RPN2: variants seen among roughly 807,000 people sequenced by gnomAD.
The protein encoded by RPN2 is ribophorin II.
RPN2 carries 29 observed loss-of-function variants against 71.4 expected under a neutral mutation model. The observed-to-expected ratio is 0.41, with a 90% CI of 0.30 to 0.55. The LOEUF (loss-of-function observed/expected upper bound fraction) is 0.55, where lower values mean the gene tolerates loss of function less well. RPN2 is among the 20% of genes least tolerant of loss of function. The pLI, the probability that RPN2 is intolerant of heterozygous loss-of-function variation, is 0.35. For synonymous variants in RPN2, 308 were observed against 305.0 expected, an observed-to-expected ratio of 1.01 and a Z score of -0.10; for missense variants, 726 against 774.1, an observed-to-expected ratio of 0.94 and a Z score of 0.74.
rs1600765268 is a variant in RPN2, at chr20:37,199,149, T to C, written c.403T>C (p.Phe135Leu). The change falls in exon 4 of 17, where the codon TTT (phenylalanine) becomes CTT (leucine). Residue 135 changes from phenylalanine (F) to leucine (L), a missense_variant. Coordinates refer to ENST00000237530, the MANE Select transcript of RPN2 (RefSeq NM_002951.5). ...CCATGCAGTTGCAGCTCTAAGTGGC[T>C]TTGGCCTTCCCTTGGCATCCCAAGA... Reference protein sequence around the residue: ...IYHAVAALSGFGLPLASQEAL... With the variant: ...IYHAVAALSGLGLPLASQEAL... 1 of 1,614,236 alleles carries C rather than the reference T, an allele frequency of 6.2e-7. No individual in the cohort carries two copies.
At position 37,228,558 on chromosome 20, in the gene RPN2, C is replaced by T; in HGVS notation, c.1308C>T (p.Val436=). Reference sequence around the variant, plus strand: ...ATTATTCTTCCATCTAGACATTTGTCCGACTCCATAACCAGAAGACTGGCC... The same window carrying T: ...ATTATTCTTCCATCTAGACATTTGTTCGACTCCATAACCAGAAGACTGGCC... ...GAELTPHQTF[V]RLHNQKTGQE... The change falls in exon 12 of 17, where the codon GTC becomes GTT. Residue 436 remains valine (V), a synonymous_variant. Transcript: ENST00000237530. 4 of 1,613,988 alleles carry T rather than the reference C, an allele frequency of 2.5e-6. No homozygotes were observed. Among genetic ancestry groups the T allele is most frequent in the Non-Finnish European group, 3.4e-6 (4 of 1,179,858 alleles).
At chr20:37,215,271 G>A (rs1027409682) in intron 9 of RPN2, among the ~76,000 whole-genome samples, 8 of 152,062 alleles carry the variant, frequency 5.3e-5, no homozygotes, top group Non-Finnish European at 1.0e-4. Context: ...TCAAAAATGC[G>A]GCATTACTTC....
rs750576659 is a variant in RPN2 at position 37,184,162 on chromosome 20, T to C, written c.14-18T>C. On this transcript the variant is annotated intron_variant, in intron 1 of 16. Coordinates refer to ENST00000237530, the MANE Select transcript of RPN2 (RefSeq NM_002951.5). ...TTGGAAGAGTGTAGAGTGTACTGAA[T>C]GGTTGTTTCCCCCCAAGGTTCAAGC... The C allele has an allele frequency of 6.2e-7, 1 of 1,614,054 alleles. No homozygotes were observed. Among genetic ancestry groups the C allele is most frequent in the Non-Finnish European group, 8.5e-7 (1 of 1,179,932 alleles).
intron 7 of RPN2, among the ~76,000 whole-genome samples, chr20:37,209,013 G>GA (rs2067589213): frequency 6.6e-6 from 1 of 152,208 alleles, no homozygotes; most frequent in Admixed American, 6.5e-5. Flanking sequence ...TGTGAGTCAA[G>GA]AGGGGCTAAG....
At chr20:37,219,032 A>G (rs571895570) in intron 9 of RPN2, among the ~76,000 whole-genome samples, 96 of 152,260 alleles carry the variant, frequency 6.3e-4, no homozygotes, top group African/African-American at 2.2e-3. Flanking sequence ...TCTTTCAGGT[A>G]TATGCTTAGG....
rs759677319 is a variant in RPN2 at position 37,207,324 on chromosome 20, T to C, written c.742T>C (p.Ser248Pro). The C allele has an allele frequency of 2.5e-6, 4 of 1,613,886 alleles. No individual in the cohort carries two copies. In the African/African-American group the frequency reaches 5.3e-5, roughly 22 times the overall value. ...GATCTTCAGCAAGAAGAACTTTGAG[T>C]CCCTCTCCGAAGCCTTCAGCGTGGC... ...NAIFSKKNFE[S>P]LSEAFSVASA... The change falls in exon 7 of 17, where the codon TCC becomes CCC. Residue 248 changes from serine (S) to proline (P), a missense_variant. Transcript: ENST00000237530.
chr20:37,198,359 G>A lies in RPN2; in HGVS notation c.208-38G>A, dbSNP rs779862481. The A allele has an allele frequency of 3.7e-6, 6 of 1,613,986 alleles. No individual in the cohort carries two copies. The African/African-American group carries it at 5.3e-5, about 14-fold the overall frequency. On this transcript the variant is annotated intron_variant, in intron 2 of 16. Coordinates refer to ENST00000237530, the MANE Select transcript of RPN2 (RefSeq NM_002951.5). ...CTTTGCTTTTCCTGGTTCACTACAT[G>A]TGTCACCACTTAACATTGACTTTTC...
chr20:37,209,957 G>A, intron 7 of RPN2, 90 bp from the exon 8 acceptor site: 1 of 1,580,608 alleles, frequency 6.3e-7, no homozygotes, highest in East Asian at 2.3e-5. Flanking sequence ...CTCCTGCAGA[G>A]CTTGCAACCT....
At position 37,229,892 on chromosome 20, in the gene RPN2, T is replaced by C. The variant is rs1002570871; in HGVS notation, c.1495-81T>C. 3.8e-6 allele frequency: 4 copies of C among 1,059,614 alleles called. No individual in the cohort carries two copies. In the African/African-American group the frequency reaches 4.7e-5, roughly 12 times the overall value. 65.6% of individuals were successfully genotyped at this position (1,059,614 alleles called of 1,614,324 possible). ...AGCTTTTTTCAGTTATGGTCTTAGA[T>C]GTGAGTCAGAGAATATTATCTATTG... is the stretch of plus-strand genomic sequence containing the variant. On this transcript the variant is annotated intron_variant, in intron 12 of 16. Transcript: ENST00000237530.
rs562053590 is a variant in RPN2 at position 37,224,970 on chromosome 20, C to G, written c.1185-718C>G. Among the ~76,000 whole-genome samples the G allele has an allele frequency of 2.6e-4, 39 of 152,262 alleles. 1 individual carries two copies. The highest frequency in any genetic ancestry group is 6.0e-4 in the African/African-American group (25 of 41,556). ...GAGCGCTTTGCTGTTTAATTCTCTG[C>G]CTAGATGAAGAGTTGGTCTTACTTA... On this transcript the variant is annotated intron_variant, in intron 10 of 16. Transcript: ENST00000237530.
intron 9 of RPN2, among the ~76,000 whole-genome samples, chr20:37,219,938 C>T (rs372745729): frequency 1.8e-4 from 28 of 152,322 alleles, no homozygotes; most frequent in African/African-American, 6.5e-4. Flanking sequence ...GCCAGTGCCA[C>T]GCTGTCTTGA....
At chr20:37,198,637 CT>C in intron 3 of RPN2, 145 bp downstream of exon 3, 1 of 855,758 alleles carries the variant, frequency 1.2e-6, no homozygotes, top group South Asian at 1.7e-5. Context: ...TTTTTTTTTC[CT>C]TAAGAAAGTA....
intron 15 of RPN2, among the ~76,000 whole-genome samples, chr20:37,234,605 C>T (rs2146705604): frequency 6.6e-6 from 1 of 152,232 alleles, no homozygotes; most frequent in East Asian, 1.9e-4. Context: ...TCACAAATCA[C>T]TTAAGCATTT....
Position 37,199,148 on chromosome 20 carries a change from CT to C in RPN2, c.405del (p.Phe135LeufsTer43), listed in dbSNP as rs2067322933. 6.2e-7 allele frequency: 1 copy of C among 1,614,092 alleles called. No individual in the cohort carries two copies. Among genetic ancestry groups the C allele is most frequent in the Non-Finnish European group, 8.5e-7 (1 of 1,180,040 alleles). On this transcript the variant is annotated frameshift_variant, in exon 4 of 17. Coordinates refer to ENST00000237530, the MANE Select transcript of RPN2 (RefSeq NM_002951.5). LOFTEE classifies it high-confidence loss of function. ...ACCATGCAGTTGCAGCTCTAAGTGG[CT>C]TTGGCCTTCCCTTGGCATCCCAAGA... ...IYHAVAALSGFGLPLASQEAL... is the reference protein window; with the variant it reads ...IYHAVAALSGXGLPLASQEAL...
intron 4 of RPN2, among the ~76,000 whole-genome samples, chr20:37,202,699 A>AT (rs1343361704): frequency 1.3e-5 from 2 of 152,238 alleles, no homozygotes; most frequent in African/African-American, 4.8e-5. Context: ...TATAGATAAA[A>AT]ATATATGAAT....
chr20:37,217,642 G>A (rs904593566), intron 9 of RPN2, among the ~76,000 whole-genome samples: 5 of 152,096 alleles, frequency 3.3e-5, no homozygotes, highest in Non-Finnish European at 5.9e-5. Context: ...CTTAGAGGAA[G>A]AAAAGGATAG....
chr20:37,221,478 G>A (rs6094132), intron 9 of RPN2, among the ~76,000 whole-genome samples: 6,911 of 152,220 alleles, frequency 0.045, 431 homozygotes, highest in African/African-American at 0.14. Flanking sequence ...GATTACAGGC[G>A]TGAGCCACCA....
chr20:37,236,956 AT>A (rs199575333), intron 16 of RPN2, among the ~76,000 whole-genome samples: 1 of 59,064 alleles, frequency 1.7e-5, no homozygotes, highest in Non-Finnish European at 4.3e-5. Flanking sequence ...GAGGAAAATT[AT>A]TAGCTTTATG....
chr20:37,218,153 T>C (rs962882167), intron 9 of RPN2, among the ~76,000 whole-genome samples: 5 of 152,204 alleles, frequency 3.3e-5, no homozygotes. Context: ...CCACCACGCT[T>C]GTAATCCCAG....
Sources: gnomAD v4.1 joint callset for allele counts (sites outside exome capture counted in the v4.1 genomes callset) on GRCh38, gnomAD v4.1.1 for gene constraint, MANE v1.5 for transcripts, NCBI Gene and HGNC (gene_info 2026-07-23, HGNC 2026-07-21) for gene names.